Variants in ERICH2 observed in about 807,000 individuals in gnomAD.
The protein encoded by ERICH2 is glutamate rich 2, also known as glutamate-rich protein 2.
A neutral mutation model predicts 17.4 loss-of-function variants in ERICH2; 17 were observed. The ratio of observed to expected loss-of-function variants is 0.98; its 90% CI spans 0.67 to 1.47. The LOEUF (loss-of-function observed/expected upper bound fraction) is 1.47, where lower values mean the gene tolerates loss of function less well. ERICH2 is among the 40% of genes most tolerant of loss of function. The pLI is 0.00. For synonymous variants in ERICH2, 51 were observed against 61.1 expected (o/e 0.83, Z 0.77); for missense variants, 186 against 183.2 (o/e 1.01, Z -0.09).
At chr2:170,797,952 A>G in intron 3 of ERICH2, 89 bp from the exon 9 acceptor site, 1 of 833,722 alleles carries the variant, frequency 1.2e-6, no homozygotes, top group South Asian at 1.5e-5. Flanking sequence ...ACCTGCTCTG[A>G]CTGACAGTTC....
intron 2 of ERICH2, among the ~76,000 whole-genome samples, chr2:170,787,730 A>G (rs1205534048): frequency 6.6e-6 from 1 of 152,122 alleles, no homozygotes; most frequent in Non-Finnish European, 1.5e-5. Flanking sequence ...TGCAGTCCAA[A>G]CTATGTTATT....
chr2:170,777,704 C>G, the ERICH2 span: 1 of 1,226,050 alleles, frequency 8.2e-7, no homozygotes, highest in Non-Finnish European at 1.0e-6. Context: ...TTTGATTGTG[C>G]AGCTGATCTC....
At chr2:170,793,794 T>A (rs568706489) in intron 3 of ERICH2, among the ~76,000 whole-genome samples, 1 of 152,358 alleles carries the variant, frequency 6.6e-6, no homozygotes, top group South Asian at 2.1e-4. Flanking sequence ...CTTTGGTTTT[T>A]AATGGTTTGA....
intron 2 of ERICH2, among the ~76,000 whole-genome samples, chr2:170,788,651 G>T (rs975766518): frequency 4.6e-5 from 7 of 151,934 alleles, no homozygotes; most frequent in Non-Finnish European, 1.0e-4. Context: ...TTGTGTGTGT[G>T]TGTTTTTAGT....
chr2:170,796,981 T>G (rs1701442227), intron 3 of ERICH2, among the ~76,000 whole-genome samples: 1 of 152,144 alleles, frequency 6.6e-6, no homozygotes, highest in Non-Finnish European at 1.5e-5. Context: ...CCTCTAGGAT[T>G]TTGCTAACAT....
At chr2:170,792,800 T>G in intron 2 of ERICH2, 63 bp from the exon 8 acceptor site, 1 of 1,050,398 alleles carries the variant, frequency 9.5e-7, no homozygotes, top group Non-Finnish European at 1.4e-6. Flanking sequence ...TGGAAGATTT[T>G]CTAGGGAGTT....
rs1466828729 is a variant in ERICH2, at chr2:170,798,033, A to G, written c.275-8A>G. 3.9e-6 allele frequency: 6 copies of G among 1,541,396 alleles called. No homozygotes were observed. Among genetic ancestry groups the G allele is most frequent in the African/African-American group, 1.4e-5 (1 of 72,930 alleles). The stretch of plus-strand genomic sequence containing the variant: ...AACACACATTCTGTTGTCCATTTTC[A>G]TTTTCAGTCCTAATCTATGAACCAG... On this transcript the variant is annotated splice_polypyrimidine_tract_variant and splice_region_variant and intron_variant, in intron 3 of 4. Coordinates refer to ENST00000409885, the Ensembl canonical transcript of ERICH2.
At chr2:170,779,631 A>G (rs1700981624), upstream of ERICH2, among the ~76,000 whole-genome samples, 1 of 152,178 alleles carries the variant, frequency 6.6e-6, no homozygotes. Flanking sequence ...TCAAGCATAA[A>G]GATTGAGGGG....
At chr2:170,777,271 CTTA>C in the ERICH2 span, 5 of 247,494 alleles carry the variant, frequency 2.0e-5, no homozygotes, top group Non-Finnish European at 3.3e-5. Context: ...AAAATTGTAT[CTTA>C]TTCTAGCTAG....
chr2:170,783,902 T>C (rs1701085305), intron 1 of ERICH2: 4 of 1,550,452 alleles, frequency 2.6e-6, no homozygotes, highest in Non-Finnish European at 2.6e-6. Flanking sequence ...ACCGTCATAC[T>C]CTTGGAAGAA....
At chr2:170,796,428 G>GT (rs869301301) in intron 3 of ERICH2, among the ~76,000 whole-genome samples, 1,838 of 114,530 alleles carry the variant, frequency 0.016, 54 homozygotes, top group African/African-American at 0.053. Context: ...CTCTCTCTTT[G>GT]TTTTTTTTTT....
upstream of ERICH2, chr2:170,782,404 T>G: frequency 1.0e-6 from 1 of 979,360 alleles, no homozygotes; most frequent in Non-Finnish European, 1.2e-6. Context: ...TAACATTTGT[T>G]TCATTGAATT....
upstream of ERICH2, chr2:170,782,399 T>C (rs1453553224): frequency 1.0e-6 from 1 of 981,640 alleles, no homozygotes; most frequent in Non-Finnish European, 1.2e-6. Context: ...GGTAATAACA[T>C]TTGTTTCATT....
the ERICH2 span, among the ~76,000 whole-genome samples, chr2:170,778,342 T>G: frequency 7.9e-5 from 12 of 152,142 alleles, no homozygotes; most frequent in Non-Finnish European, 1.8e-4. Context: ...CATAAACACA[T>G]TTGTGGGGAT....
At chr2:170,776,973 T>A in the ERICH2 span, among the ~76,000 whole-genome samples, 1 of 151,998 alleles carries the variant, frequency 6.6e-6, no homozygotes, top group Non-Finnish European at 1.5e-5. Context: ...AAAACTAAAT[T>A]TCATAATCCA....
At position 170,784,787 on chromosome 2, in the gene ERICH2, G is replaced by C. The variant is rs1316517121; in HGVS notation, c.170G>C (p.Ser57Thr). 3.9e-6 allele frequency: 6 copies of C among 1,539,256 alleles called. No individual in the cohort carries two copies. In the Admixed American group the frequency reaches 8.2e-5, roughly 21 times the overall value. Residue 57 changes from serine (S) to threonine (T), a missense_variant, in exon 2 of 5, where the codon AGT becomes ACT. Coordinates refer to ENST00000409885, the Ensembl canonical transcript of ERICH2. ...AATGATGAAGATGATGATGAAGATA[G>C]TAACCCTAAAAAGAATACTCAGGCC...
chr2:170,776,622 C>T, the ERICH2 span, among the ~76,000 whole-genome samples: 4 of 152,202 alleles, frequency 2.6e-5, no homozygotes, highest in Admixed American at 2.0e-4. Context: ...AGGTGATCCA[C>T]CTGCCTTGGC....
At chr2:170,796,430 T>TTTG (rs1701419780) in intron 3 of ERICH2, among the ~76,000 whole-genome samples, 1 of 47,932 alleles carries the variant, frequency 2.1e-5, no homozygotes, top group Non-Finnish European at 4.4e-5. Context: ...CTCTCTTTGT[T>TTTG]TTTTTTTTTG....
intron 2 of ERICH2, among the ~76,000 whole-genome samples, chr2:170,788,899 T>A (rs887545781): frequency 6.6e-6 from 1 of 152,144 alleles, no homozygotes; most frequent in African/African-American, 2.4e-5. Context: ...CTTTCTCTTT[T>A]GATAGGAGAG....
Sources: gnomAD v4.1 joint callset for allele counts (sites outside exome capture counted in the v4.1 genomes callset) on GRCh38, gnomAD v4.1.1 for gene constraint, MANE v1.5 for transcripts, NCBI Gene and HGNC (gene_info 2026-07-23, HGNC 2026-07-21) for gene names.